The following CRACDL variants were observed in gnomAD, a reference collection of about 807,000 sequenced individuals.
CRACDL encodes CRACD-like protein.
In CRACDL, 26 loss-of-function variants were observed where a neutral mutation model predicts 70.6. That is an observed-to-expected ratio of 0.37 (90% CI 0.27 to 0.51). CRACDL has a LOEUF of 0.51. Among genes scored for constraint, CRACDL ranks in the 20% least tolerant of loss-of-function variants. The probability of loss-of-function intolerance (pLI) is 0.94; values close to 1 mark genes in which losing one functional copy is unlikely to be tolerated. For missense variants in CRACDL, 1,283 were observed against 1,376.9 expected (o/e 0.93, Z 1.08); for synonymous variants, 618 against 615.2 (o/e 1.00, Z -0.07).
chr2:98,817,299 T>C lies in CRACDL; in HGVS notation c.2416+4558A>G, dbSNP rs187333146. On this transcript the variant is annotated intron_variant, in intron 7 of 9. Coordinates refer to ENST00000397899, the MANE Select transcript of CRACDL (RefSeq NM_207362.3). ...GATCTGCTCTATAACACTGTACCTATAGACAACAATACTGCATTGTACATT... is the reference window on the plus strand; with the variant it reads ...GATCTGCTCTATAACACTGTACCTACAGACAACAATACTGCATTGTACATT... 7.9e-4 allele frequency among the ~76,000 whole-genome samples: 120 copies of C among 152,312 alleles called. 1 individual carries two copies. The highest frequency in any genetic ancestry group is 2.8e-3 in the African/African-American group (115 of 41,568).
rs1484866345 is a variant in CRACDL, at chr2:98,822,508, G to A, written c.1765C>T (p.Arg589Cys). 5 of 1,458,000 alleles carry A rather than the reference G, an allele frequency of 3.4e-6. No individual in the cohort carries two copies. Among genetic ancestry groups the A allele is most frequent in the Non-Finnish European group, 4.5e-6 (5 of 1,114,386 alleles). 90.3% of individuals were successfully genotyped at this position (1,458,000 alleles called of 1,614,324 possible). A position where few individuals can be genotyped will look rare whatever the true frequency, so the allele number is the denominator to read the frequency against. Reference protein sequence around the residue: ...CRARPRPGVSRPLERASGRLP... With the variant: ...CRARPRPGVSCPLERASGRLP... Reference sequence around the variant, plus strand: ...CGGCCGCTGGCCCGTTCCAGCGGGCGGGAGACGCCCGGACGAGGCCGCGCT... The same window carrying A: ...CGGCCGCTGGCCCGTTCCAGCGGGCAGGAGACGCCCGGACGAGGCCGCGCT... Residue 589 changes from arginine (R) to cysteine (C), a missense_variant, in exon 7 of 10, where the codon CGC becomes TGC. This residue lies in a region of CRACDL where 921 missense variants were observed against 881.9 expected (regional missense o/e 1.04). Transcript: ENST00000397899. The surrounding 1 kb of genome is among the most constrained non-coding windows in gnomAD (Gnocchi z 4.9).
chr2:98,806,350 C>T (rs1294930553), intron 7 of CRACDL, among the ~76,000 whole-genome samples: 1 of 152,222 alleles, frequency 6.6e-6, no homozygotes, highest in Non-Finnish European at 1.5e-5. Flanking sequence ...GGAATCTGGC[C>T]AGCCATGTGT....
At chr2:98,815,786 G>A (rs1439550933) in intron 7 of CRACDL, among the ~76,000 whole-genome samples, 1 of 152,178 alleles carries the variant, frequency 6.6e-6, no homozygotes, top group Non-Finnish European at 1.5e-5. Flanking sequence ...GGGGTGAGGG[G>A]TTGGCCACTT....
chr2:98,897,687 G>A (rs1325146966), intron 1 of CRACDL, among the ~76,000 whole-genome samples: 1 of 152,160 alleles, frequency 6.6e-6, no homozygotes, highest in African/African-American at 2.4e-5. Context: ...AAAATAAGAG[G>A]GGACTAGAGG....
chr2:98,822,314 G>A lies in CRACDL; in HGVS notation c.1959C>T (p.Ser653=). 1 of 1,480,522 alleles carries A rather than the reference G, an allele frequency of 6.8e-7. No homozygotes were observed. Among genetic ancestry groups the A allele is most frequent in the South Asian group, 1.3e-5 (1 of 75,296 alleles). 91.7% of individuals were successfully genotyped at this position (1,480,522 alleles called of 1,614,324 possible). A position where few individuals can be genotyped will look rare whatever the true frequency, so the allele number is the denominator to read the frequency against. ...RAASPAGPRK[S]PQEAAAAPGT... ...CGGGCGCGGCGGCCGCCTCCTGAGG[G>A]CTCTTGCGCGGCCCGGCCGGGCTGG... The change falls in exon 7 of 10, where the codon AGC becomes AGT. Residue 653 remains serine, a synonymous_variant. Coordinates refer to ENST00000397899, the MANE Select transcript of CRACDL (RefSeq NM_207362.3). The surrounding 1 kb of genome is among the most constrained non-coding windows in gnomAD (Gnocchi z 4.9).
At chr2:98,920,948 T>C (rs1708788035) in intron 1 of CRACDL, among the ~76,000 whole-genome samples, 1 of 152,150 alleles carries the variant, frequency 6.6e-6, no homozygotes, top group African/African-American at 2.4e-5. Context: ...GCTCACTCCC[T>C]GAGCCAAAAA....
chr2:98,910,392 A>G (rs1314268552), intron 1 of CRACDL, among the ~76,000 whole-genome samples: 1 of 151,972 alleles, frequency 6.6e-6, no homozygotes, highest in Non-Finnish European at 1.5e-5. Context: ...ATGGTGGTGC[A>G]TGCCTGTAAT....
chr2:98,919,710 G>A (rs1392900104), intron 1 of CRACDL, among the ~76,000 whole-genome samples: 2 of 152,164 alleles, frequency 1.3e-5, no homozygotes, highest in African/African-American at 2.4e-5. Context: ...CCATGGGCAT[G>A]TTGTCTATTT....
intron 1 of CRACDL, among the ~76,000 whole-genome samples, chr2:98,917,847 C>T (rs561625911): frequency 2.0e-5 from 3 of 152,150 alleles, no homozygotes; most frequent in Admixed American, 6.5e-5. Flanking sequence ...CGCATTATTT[C>T]GCTCTCATTT....
chr2:98,914,575 T>G (rs1708624107), intron 1 of CRACDL, among the ~76,000 whole-genome samples: 1 of 152,210 alleles, frequency 6.6e-6, no homozygotes, highest in African/African-American at 2.4e-5. Context: ...AGGGAGACTT[T>G]TTTAAAGACA....
intron 7 of CRACDL, among the ~76,000 whole-genome samples, chr2:98,813,954 T>C (rs1306327206): frequency 6.6e-6 from 1 of 152,200 alleles, no homozygotes; most frequent in Non-Finnish European, 1.5e-5. Context: ...ATTGGCCCTT[T>C]TCTTCTCATT....
intron 7 of CRACDL, among the ~76,000 whole-genome samples, chr2:98,802,868 G>GCT (rs1704136895): frequency 6.6e-6 from 1 of 152,198 alleles, no homozygotes; most frequent in Admixed American, 6.5e-5. Context: ...TAAAGCACAG[G>GCT]CTCTGCCTTA....
intron 7 of CRACDL, among the ~76,000 whole-genome samples, chr2:98,806,844 C>CTGCTGGAA (rs774505689): frequency 3.6e-4 from 55 of 152,230 alleles, no homozygotes; most frequent in Non-Finnish European, 6.5e-4. Flanking sequence ...TCTCCAGGAA[C>CTGCTGGAA]TGCTGGAATT....
intron 1 of CRACDL, among the ~76,000 whole-genome samples, chr2:98,884,469 C>T (rs758068885): frequency 6.6e-6 from 1 of 152,210 alleles, no homozygotes; most frequent in Non-Finnish European, 1.5e-5. Context: ...CAGAGCCAGG[C>T]AGCAGGACAT....
intron 1 of CRACDL, among the ~76,000 whole-genome samples, chr2:98,921,178 C>T (rs555878564): frequency 2.6e-5 from 4 of 152,336 alleles, no homozygotes; most frequent in East Asian, 3.9e-4. Flanking sequence ...CCCAGACGTG[C>T]TCAGGCAAAG....
At chr2:98,841,565 G>T (rs1706029049) in intron 2 of CRACDL, among the ~76,000 whole-genome samples, 1 of 152,006 alleles carries the variant, frequency 6.6e-6, no homozygotes, top group Admixed American at 6.6e-5. Flanking sequence ...CTTGCTTATT[G>T]TTTTCTTTGC....
At position 98,826,986 on chromosome 2, in the gene CRACDL, G is replaced by A. The variant is rs781369697; in HGVS notation, c.724C>T (p.Arg242Trp). 14 of 1,612,632 alleles carry A rather than the reference G, an allele frequency of 8.7e-6. No homozygotes were observed. Among genetic ancestry groups the A allele is most frequent in the African/African-American group, 4.0e-5 (3 of 74,834 alleles). Residue 242 changes from arginine (R) to tryptophan (W), a missense_variant, in exon 6 of 10, where the codon CGG (arginine) becomes TGG (tryptophan). This residue lies in a region of CRACDL where 362 missense variants were observed against 495.0 expected (regional missense o/e 0.73). Coordinates refer to ENST00000397899, the MANE Select transcript of CRACDL (RefSeq NM_207362.3). ...PRNQRSSKMR[R>W]LSSRAQSESL... ...GGAAACCCAATTACCGATGAGAGCC[G>A]CCTCATCTTACTCGACCGCTGGTTG...
chr2:98,806,494 G>A (rs993776643), intron 7 of CRACDL, among the ~76,000 whole-genome samples: 2 of 152,214 alleles, frequency 1.3e-5, no homozygotes, highest in African/African-American at 4.8e-5. Flanking sequence ...ATCTCATAGT[G>A]GAGATCCCGG....
At chr2:98,839,227 G>C (rs1353866131) in intron 2 of CRACDL, among the ~76,000 whole-genome samples, 1 of 152,150 alleles carries the variant, frequency 6.6e-6, no homozygotes, top group Non-Finnish European at 1.5e-5. Context: ...CTCTCATGGG[G>C]AGAATTACTT....
Sources: allele counts gnomAD v4.1 joint callset (sites outside exome capture counted in the v4.1 genomes callset), GRCh38; gene constraint gnomAD v4.1.1; regional missense constraint gnomAD v4.1.1; non-coding constraint Gnocchi (gnomAD v3.1); transcripts MANE v1.5; gene names NCBI Gene and HGNC (gene_info 2026-07-23, HGNC 2026-07-21).